The following LSS variants were observed in gnomAD, a reference collection of about 807,000 sequenced individuals.
The protein encoded by LSS is 2,3-epoxysqualene-lanosterol cyclase.
LSS carries 90 observed loss-of-function variants against 110.3 expected under a neutral mutation model. The ratio of observed to expected loss-of-function variants is 0.82; its 90% CI spans 0.69 to 0.97. The LOEUF (loss-of-function observed/expected upper bound fraction) is 0.97. LSS is among the 50% of genes least tolerant of loss of function. The pLI is 0.00. For synonymous variants in LSS, 433 were observed against 400.0 expected (o/e 1.08, Z -0.98); for missense variants, 927 against 990.0 (o/e 0.94, Z 0.85).
chr21:46,215,377 G>A, intron 8 of LSS, 79 bp from the exon 9 acceptor site: 1 of 1,007,110 alleles, frequency 9.9e-7, no homozygotes, highest in Non-Finnish European at 1.5e-6. Flanking sequence ...TGCAACGCCT[G>A]GACTTGCCCT....
chr21:46,191,939 T>C lies in LSS; in HGVS notation c.2009A>G (p.Gln670Arg), dbSNP rs1167685061. ...AAGTAGACACCGGACTCCTCTCTCC[T>C]GGGCCTCGATGTCAGGATGCCTGGT... ...MAVRHPDIEA[Q>R]ERGVRCLLEK... The change falls in exon 21 of 22, where the codon CAG becomes CGG. Residue 670 changes from glutamine to arginine, a missense_variant. By Grantham distance (43) the Gln-to-Arg change is conservative. Coordinates refer to ENST00000397728, the MANE Select transcript of LSS (RefSeq NM_002340.6). The C allele has an allele frequency of 1.2e-6, 2 of 1,613,532 alleles. No homozygotes were observed. The highest frequency in any genetic ancestry group is 2.2e-5 in the South Asian group (2 of 90,908).
At chr21:46,217,612 GTCC>G (rs2080223689) in intron 6 of LSS, among the ~76,000 whole-genome samples, 1 of 152,100 alleles carries the variant, frequency 6.6e-6, no homozygotes, top group African/African-American at 2.4e-5. Flanking sequence ...CAGGTCTGTG[GTCC>G]TCCTTTCACC....
At chr21:46,206,230 C>G (rs939344994) in intron 16 of LSS, among the ~76,000 whole-genome samples, 3 of 152,190 alleles carry the variant, frequency 2.0e-5, no homozygotes, top group African/African-American at 7.2e-5. Context: ...AGAGGTGGAC[C>G]AGGGCTGAGA....
chr21:46,198,865 C>T (rs1024604667), intron 17 of LSS, among the ~76,000 whole-genome samples: 6 of 132,414 alleles, frequency 4.5e-5, no homozygotes, highest in Non-Finnish European at 9.6e-5. Context: ...TAGACACAAA[C>T]CATAAACCCT....
At chr21:46,197,134 A>C (rs1219693410) in intron 17 of LSS, among the ~76,000 whole-genome samples, 1 of 152,268 alleles carries the variant, frequency 6.6e-6, no homozygotes, top group East Asian at 1.9e-4. Context: ...CTAGGTTTGT[A>C]CTAATATTGT....
chr21:46,208,109 G>C, intron 14 of LSS, 142 bp downstream of exon 14: 2 of 705,346 alleles, frequency 2.8e-6, no homozygotes, highest in Non-Finnish European at 4.8e-6. Context: ...CCTAGGCCAG[G>C]CATCCACCAC....
intron 17 of LSS, among the ~76,000 whole-genome samples, chr21:46,205,394 C>T (rs2080032979): frequency 6.6e-6 from 1 of 152,202 alleles, no homozygotes; most frequent in African/African-American, 2.4e-5. Flanking sequence ...ACCTGGCAGG[C>T]ATGTGGGCGG....
intron 20 of LSS, chr21:46,192,542 G>C (rs1438992423): frequency 1.2e-5 from 5 of 411,648 alleles, no homozygotes; most frequent in Non-Finnish European, 2.5e-5. Flanking sequence ...AGGTGCCTGT[G>C]CATGTGTACA....
At chr21:46,191,598 G>A (rs992826421) in intron 21 of LSS, among the ~76,000 whole-genome samples, 1 of 152,188 alleles carries the variant, frequency 6.6e-6, no homozygotes, top group African/African-American at 2.4e-5. Context: ...CATCTGGAGT[G>A]GGAGGGTCTG....
Position 46,222,682 on chromosome 21 carries a change from CTT to C in LSS, c.374_375del (p.Glu125GlyfsTer13). ...ACTGACCGCAGGTACCGCACAATCT[CTT>C]CTCTGTATCCGGCTGGCAGAGGGAT... ...ARIPLPAGYR[E>X]EIVRYLRSVQ... On this transcript the variant is annotated frameshift_variant, in exon 4 of 22. Coordinates refer to ENST00000397728, the MANE Select transcript of LSS (RefSeq NM_002340.6). LOFTEE classifies it high-confidence loss of function. 1 of 1,613,958 alleles carries C rather than the reference CTT, an allele frequency of 6.2e-7. No individual in the cohort carries two copies. Among genetic ancestry groups the C allele is most frequent in the Non-Finnish European group, 8.5e-7 (1 of 1,180,036 alleles).
rs773703861 is a variant in LSS at position 46,228,563 on chromosome 21, C to T, written c.51G>A (p.Glu17=). ...GCCAGCGGCCGAGGTCGGTGGCGGGCTCGGTCTTGTAGGGGCCCCCTCGGC... is the reference window on the plus strand; with the variant it reads ...GCCAGCGGCCGAGGTCGGTGGCGGGTTCGGTCTTGTAGGGGCCCCCTCGGC... The part of the protein sequence containing the change: ...LRRRGGPYKT[E]PATDLGRWRL... Residue 17 remains glutamate (E), a synonymous_variant, in exon 2 of 22, where the codon GAG becomes GAA. Coordinates refer to ENST00000397728, the MANE Select transcript of LSS (RefSeq NM_002340.6). The T allele has an allele frequency of 1.9e-6, 3 of 1,595,128 alleles. No individual in the cohort carries two copies. Among genetic ancestry groups the T allele is most frequent in the Non-Finnish European group, 2.5e-6 (3 of 1,177,234 alleles).
Position 46,222,611 on chromosome 21 carries a change from C to G in LSS, c.428+19G>C. 6.2e-7 allele frequency: 1 copy of G among 1,603,268 alleles called. No homozygotes were observed. The highest frequency in any genetic ancestry group is 8.5e-7 in the Non-Finnish European group (1 of 1,172,200). ...ACACACATGCACATGTGCAGTGACA[C>G]AGGGGCAGGCACACTCACAGGCCCC... On this transcript the variant is annotated intron_variant, in intron 4 of 21. Coordinates refer to ENST00000397728, the MANE Select transcript of LSS (RefSeq NM_002340.6).
chr21:46,221,793 TGA>T (rs1207798991), intron 5 of LSS, 59 bp downstream of exon 5: 1 of 1,608,600 alleles, frequency 6.2e-7, no homozygotes, highest in East Asian at 2.2e-5. Flanking sequence ...ATCGCGTTTG[TGA>T]GAGCTCATTA....
At chr21:46,217,021 TG>T (rs1216461764) in intron 6 of LSS, among the ~76,000 whole-genome samples, 1 of 151,950 alleles carries the variant, frequency 6.6e-6, no homozygotes, top group Non-Finnish European at 1.5e-5. Flanking sequence ...CCGAGGCTGG[TG>T]GATCACTTGA....
chr21:46,191,330 G>A (rs1201397172), intron 21 of LSS, 95 bp from the exon 22 acceptor site: 1 of 1,423,982 alleles, frequency 7.0e-7, no homozygotes, highest in South Asian at 1.2e-5. Context: ...TGGCTGGCTT[G>A]TGGGTGAGTC....
At position 46,228,328 on chromosome 21, in the gene LSS, C is replaced by T. The variant is rs2080382031; in HGVS notation, c.180+106G>A. The T allele has an allele frequency of 6.9e-6, 9 of 1,312,958 alleles. No individual in the cohort carries two copies. In the East Asian group the frequency reaches 2.3e-4, roughly 33 times the overall value. 81.3% of individuals were successfully genotyped at this position (1,312,958 alleles called of 1,614,324 possible). On this transcript the variant is annotated intron_variant, in intron 2 of 21. Coordinates refer to ENST00000397728, the MANE Select transcript of LSS (RefSeq NM_002340.6). Reference sequence around the variant, plus strand: ...CGTGGGCGCTCGCCTTGGGGATGGGCGTCGCTGGCCGGGTCCTCCCACCCG... The same window carrying T: ...CGTGGGCGCTCGCCTTGGGGATGGGTGTCGCTGGCCGGGTCCTCCCACCCG...
At position 46,191,376 on chromosome 21, in the gene LSS, A is replaced by G. The variant is rs1354545124; in HGVS notation, c.2068-141T>C. On this transcript the variant is annotated intron_variant, in intron 21 of 21. Coordinates refer to ENST00000397728, the MANE Select transcript of LSS (RefSeq NM_002340.6). ...GGGCTAATTAAGCAAGAGCATAGGA[A>G]AGCAAGTAGTCCATCCCGCATCAGT... The G allele has an allele frequency of 1.5e-5, 13 of 854,448 alleles. No homozygotes were observed. The East Asian group carries it at 3.2e-4, about 21-fold the overall frequency. The allele number at this position is 854,448 out of a possible 1,614,324, so 52.9% of individuals were successfully genotyped here. A position where few individuals can be genotyped will look rare whatever the true frequency, so the allele number is the denominator to read the frequency against.
In LSS at chr21:46,190,078, G is replaced by T; in HGVS notation, c.*1026C>A. 4.0e-6 allele frequency: 1 copy of T among 252,188 alleles called. No homozygotes were observed. The highest frequency in any genetic ancestry group is 3.9e-5 in the South Asian group (1 of 25,888). The allele number at this position is 252,188 out of a possible 1,614,324, so 15.6% of individuals were successfully genotyped here. ...GCATGAGACTGGCGGCAGCCGTAGGGGTGCCCTGGGTATATGCCGGGCTCC... is the reference window on the plus strand; with the variant it reads ...GCATGAGACTGGCGGCAGCCGTAGGTGTGCCCTGGGTATATGCCGGGCTCC... On this transcript the variant is annotated 3_prime_UTR_variant, in exon 22 of 22. Transcript: ENST00000397728. This position sits in a 1 kb window ranked among gnomAD's most constrained non-coding sequence, Gnocchi z 4.6.
chr21:46,228,331 C>G (rs1271715731), intron 2 of LSS, 103 bp downstream of exon 2: 1 of 1,362,398 alleles, frequency 7.3e-7, no homozygotes, highest in Non-Finnish European at 9.8e-7. Flanking sequence ...GGATGGGCGT[C>G]GCTGGCCGGG....
Sources: gnomAD v4.1 joint callset for allele counts (sites outside exome capture counted in the v4.1 genomes callset) on GRCh38, gnomAD v4.1.1 for gene constraint, Gnocchi (gnomAD v3.1) non-coding constraint, MANE v1.5 for transcripts, NCBI Gene and HGNC (gene_info 2026-07-23, HGNC 2026-07-21) for gene names.